CFAP54: variants seen among roughly 807,000 people sequenced by gnomAD.
The protein encoded by CFAP54 is cilia and flagella associated protein 54.
In CFAP54, 290 loss-of-function variants were observed where a neutral mutation model predicts 370.4. That is an observed-to-expected ratio of 0.78 (90% CI 0.71 to 0.86). The LOEUF (loss-of-function observed/expected upper bound fraction) is 0.86, where lower values mean the gene tolerates loss of function less well. Ranked by LOEUF, CFAP54 falls within the 40% of genes least tolerant of loss-of-function variation. The pLI is 0.00. For missense variants in CFAP54, 3,399 were observed against 3,528.7 expected, an observed-to-expected ratio of 0.96 and a Z score of 0.93; for synonymous variants, 1,206 against 1,236.5, an observed-to-expected ratio of 0.98 and a Z score of 0.52.
At chr12:96,742,357 T>C in intron 51 of CFAP54, 82 bp from the exon 52 acceptor site, 1 of 1,037,814 alleles carries the variant, frequency 9.6e-7, no homozygotes, top group Non-Finnish European at 1.4e-6. Flanking sequence ...AGATGCCTTT[T>C]AAACTTACAT....
rs117469688 is a variant in CFAP54, at chr12:96,870,947, C to T, written c.*15-4171C>T. ...AAACAGCCTATTCTCTGAGGACACA[C>T]CTCATCTTGCAAAATACGTAAGGGA... On this transcript the variant is annotated intron_variant, in intron 67 of 67. Coordinates refer to ENST00000524981, the MANE Select transcript of CFAP54 (RefSeq NM_001306084.2). Among the ~76,000 whole-genome samples the T allele has an allele frequency of 9.7e-3, 1,472 of 152,254 alleles. 13 individuals carry two copies. The highest frequency in any genetic ancestry group is 0.016 in the Non-Finnish European group (1,061 of 68,006).
chr12:96,625,070 T>G (rs1033662034), intron 28 of CFAP54, among the ~76,000 whole-genome samples: 2 of 152,158 alleles, frequency 1.3e-5, no homozygotes, highest in Non-Finnish European at 2.9e-5. Context: ...AGAAAAGGAA[T>G]AGTAAATTCA....
At chr12:96,515,583 G>A (rs1955221348) in intron 5 of CFAP54, among the ~76,000 whole-genome samples, 1 of 152,150 alleles carries the variant, frequency 6.6e-6, no homozygotes, top group South Asian at 2.1e-4. Flanking sequence ...GAGATGTCCT[G>A]GGTCTGAGGG....
chr12:96,690,635 G>GT lies in CFAP54; in HGVS notation c.6082-484dup, dbSNP rs201530930. On this transcript the variant is annotated intron_variant, in intron 43 of 67. Transcript: ENST00000524981. ...AGCTTGGTATAGTGGAAAGAACATAGTTTTTTTTTATTTGTTTGTTTGTTT... is the reference window on the plus strand; with the variant it reads ...AGCTTGGTATAGTGGAAAGAACATAGTTTTTTTTTTATTTGTTTGTTTGTTT... Among the ~76,000 whole-genome samples, 1,142 of 151,514 alleles carry GT rather than the reference G, an allele frequency of 7.5e-3. 15 individuals are homozygous for GT. The highest frequency in any genetic ancestry group is 0.023 in the African/African-American group (949 of 41,342).
At chr12:96,499,779 C>T (rs769285203) in intron 1 of CFAP54, among the ~76,000 whole-genome samples, 5 of 152,024 alleles carry the variant, frequency 3.3e-5, no homozygotes, top group Non-Finnish European at 7.4e-5. Context: ...AACCCTGTCT[C>T]TACTAAAAAT....
intron 1 of CFAP54, among the ~76,000 whole-genome samples, chr12:96,497,685 C>T (rs1310470883): frequency 6.6e-6 from 1 of 152,164 alleles, no homozygotes. Flanking sequence ...TGTCCCAGTA[C>T]CCATAACAAT....
intron 43 of CFAP54, among the ~76,000 whole-genome samples, chr12:96,689,687 T>C (rs1166695250): frequency 1.3e-5 from 2 of 152,156 alleles, no homozygotes; most frequent in Admixed American, 1.3e-4. Flanking sequence ...AAAAATAACT[T>C]GAAGACTACA....
At chr12:96,797,946 A>G (rs951224018) in intron 63 of CFAP54, among the ~76,000 whole-genome samples, 10 of 151,440 alleles carry the variant, frequency 6.6e-5, no homozygotes, top group Non-Finnish European at 1.3e-4. Context: ...TGATTTCTTT[A>G]TCATTCATTT....
At chr12:96,857,858 C>T (rs1959755090) in intron 66 of CFAP54, among the ~76,000 whole-genome samples, 1 of 152,162 alleles carries the variant, frequency 6.6e-6, no homozygotes, top group African/African-American at 2.4e-5. Flanking sequence ...TCAATTAAAC[C>T]TCTTTTCTTA....
intron 67 of CFAP54, among the ~76,000 whole-genome samples, chr12:96,870,038 C>A (rs575063843): frequency 3.7e-4 from 55 of 149,808 alleles, no homozygotes; most frequent in Non-Finnish European, 6.3e-4. Flanking sequence ...CCGAGGTGGG[C>A]GGATCACAAG....
intron 63 of CFAP54, among the ~76,000 whole-genome samples, chr12:96,807,645 AT>A (rs1241646156): frequency 6.6e-6 from 1 of 152,204 alleles, no homozygotes; most frequent in Non-Finnish European, 1.5e-5. Context: ...TAAAGGTGAT[AT>A]AGGGTGAAAC....
chr12:96,534,190 G>A lies in CFAP54; in HGVS notation c.1668G>A (p.Gln556=), dbSNP rs533054447. 30 of 1,489,380 alleles carry A rather than the reference G, an allele frequency of 2.0e-5. No homozygotes were observed. The highest frequency in any genetic ancestry group is 2.7e-5 in the Non-Finnish European group (30 of 1,115,880). 92.3% of individuals were successfully genotyped at this position (1,489,380 alleles called of 1,614,324 possible). The change falls in exon 11 of 68, where the codon CAG becomes CAA. Residue 556 remains glutamine, a synonymous_variant. Transcript: ENST00000524981. ...CTTTGGAAAACTATAAAGAAGGACAGTCAACTCAAATTTATTTAAAAAAAA... is the reference window on the plus strand; with the variant it reads ...CTTTGGAAAACTATAAAGAAGGACAATCAACTCAAATTTATTTAAAAAAAA... The part of the protein sequence containing the change: ...IFPLENYKEG[Q]STQIYLKKIA...
intron 39 of CFAP54, among the ~76,000 whole-genome samples, chr12:96,666,107 T>A (rs1013130090): frequency 6.6e-6 from 1 of 152,186 alleles, no homozygotes; most frequent in Admixed American, 6.5e-5. Context: ...ATCTGTAAGT[T>A]AGATAAGAGA....
chr12:96,614,253 A>G (rs1273142209), intron 26 of CFAP54, among the ~76,000 whole-genome samples: 3 of 152,266 alleles, frequency 2.0e-5, no homozygotes, highest in Admixed American at 1.3e-4. Flanking sequence ...ATAGAACCAA[A>G]GACAAAAATC....
chr12:96,496,669 A>G (rs1482148862), intron 1 of CFAP54, among the ~76,000 whole-genome samples: 1 of 152,028 alleles, frequency 6.6e-6, no homozygotes, highest in Non-Finnish European at 1.5e-5. Context: ...ACCACACTGG[A>G]GGTTAGGATT....
At chr12:96,849,247 G>GT (rs1318281768) in intron 66 of CFAP54, among the ~76,000 whole-genome samples, 1 of 152,104 alleles carries the variant, frequency 6.6e-6, no homozygotes, top group Admixed American at 6.5e-5. Context: ...AGCTATTAAA[G>GT]TTTTTTTTCA....
chr12:96,838,023 A>G (rs1268595931), intron 66 of CFAP54, among the ~76,000 whole-genome samples: 1 of 152,220 alleles, frequency 6.6e-6, no homozygotes, highest in Admixed American at 6.5e-5. Flanking sequence ...AAGTTAAGTT[A>G]GTGGGTGCTC....
chr12:96,743,998 A>C, intron 54 of CFAP54, 22 bp from the exon 55 acceptor site: 1 of 1,605,450 alleles, frequency 6.2e-7, no homozygotes, highest in South Asian at 1.1e-5. Flanking sequence ...ATTGCTCATT[A>C]CAATATTTGT....
chr12:96,491,734 G>A (rs1474676549), intron 1 of CFAP54, among the ~76,000 whole-genome samples: 1 of 152,120 alleles, frequency 6.6e-6, no homozygotes. Context: ...ACCAAGGAAA[G>A]CCCATTATAT....
Sources: allele counts gnomAD v4.1 joint callset (sites outside exome capture counted in the v4.1 genomes callset), GRCh38; gene constraint gnomAD v4.1.1; transcripts MANE v1.5; gene names NCBI Gene and HGNC (gene_info 2026-07-23, HGNC 2026-07-21).